Variants in ADAM32 observed in about 807,000 individuals in gnomAD.
ADAM32 encodes the protein ADAM metallopeptidase domain 32, also known as disintegrin and metalloproteinase domain-containing protein 32.
A neutral mutation model predicts 114.9 loss-of-function variants in ADAM32; 89 were observed. That is an observed-to-expected ratio of 0.77 (90% confidence interval 0.65 to 0.92). ADAM32 has a LOEUF of 0.92. Ranked by LOEUF, ADAM32 falls within the 40% of genes least tolerant of loss-of-function variation. ADAM32 has a pLI of 0.00. For missense variants in ADAM32, 870 were observed against 932.8 expected, an observed-to-expected ratio of 0.93 and a Z score of 0.88; for synonymous variants, 285 against 307.5, an observed-to-expected ratio of 0.93 and a Z score of 0.77.
chr8:39,191,145 G>T (rs1169032378), intron 11 of ADAM32, among the ~76,000 whole-genome samples: 3 of 152,122 alleles, frequency 2.0e-5, no homozygotes, highest in Non-Finnish European at 4.4e-5. Flanking sequence ...TCTTCATCTA[G>T]TCTACCACTG....
Position 39,270,907 on chromosome 8 carries a change from G to A in ADAM32, c.2194G>A (p.Ala732Thr). Residue 732 changes from alanine (A) to threonine (T), a missense_variant, in exon 20 of 25, where the codon GCC becomes ACC. Coordinates refer to ENST00000379907, the MANE Select transcript of ADAM32 (RefSeq NM_145004.7). ...SKSEGSTQTY[A>T]SQSSSEGSTQ... ...ATCGGAAGGTAGCACACAGACATAT[G>A]CCAGCCAGTAAGTAGTTTAGAAGGT... 1 of 1,609,864 alleles carries A rather than the reference G, an allele frequency of 6.2e-7. No individual in the cohort carries two copies. The highest frequency in any genetic ancestry group is 8.5e-7 in the Non-Finnish European group (1 of 1,177,380).
At chr8:39,107,946 C>A in intron 1 of ADAM32, 113 bp downstream of exon 1, 2 of 1,347,650 alleles carry the variant, frequency 1.5e-6, no homozygotes, top group Non-Finnish European at 1.9e-6. Context: ...GTCACCCTGG[C>A]AACGGGGCCT....
chr8:39,241,073 C>G (rs2129449815), intron 16 of ADAM32, among the ~76,000 whole-genome samples: 1 of 152,276 alleles, frequency 6.6e-6, no homozygotes, highest in East Asian at 1.9e-4. Context: ...TTGGCCAAAA[C>G]AAAGGGGCTA....
At chr8:39,116,346 C>T (rs1479822853) in intron 1 of ADAM32, among the ~76,000 whole-genome samples, 5 of 152,040 alleles carry the variant, frequency 3.3e-5, no homozygotes, top group South Asian at 2.1e-4. Context: ...CTTTTAACAA[C>T]GTTGATTCTT....
At chr8:39,112,041 T>C (rs991175213) in intron 1 of ADAM32, among the ~76,000 whole-genome samples, 18 of 152,180 alleles carry the variant, frequency 1.2e-4, no homozygotes, top group African/African-American at 2.9e-4. Context: ...TAATAATTTT[T>C]ATTTAGTAAT....
intron 17 of ADAM32, among the ~76,000 whole-genome samples, chr8:39,250,039 A>G (rs1490965691): frequency 6.6e-6 from 1 of 151,962 alleles, no homozygotes; most frequent in South Asian, 2.1e-4. Context: ...TTTGAAAGTT[A>G]TTATGTCTAG....
chr8:39,250,552 AT>A (rs1344113284), intron 17 of ADAM32, among the ~76,000 whole-genome samples: 1 of 151,854 alleles, frequency 6.6e-6, no homozygotes, highest in East Asian at 1.9e-4. Context: ...TTTTAGTTTT[AT>A]TTTTTATTGG....
Position 39,255,400 on chromosome 8 carries a change from G to T in ADAM32, c.2005+884G>T, listed in dbSNP as rs529192276. Among the ~76,000 whole-genome samples, 17 of 151,970 alleles carry T rather than the reference G, an allele frequency of 1.1e-4. No individual in the cohort carries two copies. The South Asian group carries it at 3.3e-3, about 30-fold the overall frequency. On this transcript the variant is annotated intron_variant, in intron 18 of 24. Transcript: ENST00000379907. Reference sequence around the variant, plus strand: ...TCCATGCCAACATCTATTATTTTTTGATTTTTAAATTATGACCATTCTTGC... The same window carrying T: ...TCCATGCCAACATCTATTATTTTTTTATTTTTAAATTATGACCATTCTTGC...
chr8:39,132,752 AT>A (rs35027560), intron 2 of ADAM32, among the ~76,000 whole-genome samples: 2,423 of 149,302 alleles, frequency 0.016, 53 homozygotes, highest in African/African-American at 0.054. Flanking sequence ...TAGTTGACAG[AT>A]TTTTTTTTTT....
At chr8:39,173,437 T>C (rs1805314753) in intron 10 of ADAM32, among the ~76,000 whole-genome samples, 1 of 152,216 alleles carries the variant, frequency 6.6e-6, no homozygotes, top group Non-Finnish European at 1.5e-5. Flanking sequence ...GTTGAGTTTT[T>C]TTTTTTCATG....
At chr8:39,251,942 G>C (rs1420107383) in intron 17 of ADAM32, among the ~76,000 whole-genome samples, 1 of 151,650 alleles carries the variant, frequency 6.6e-6, no homozygotes, top group African/African-American at 2.4e-5. Flanking sequence ...TATGGTTATC[G>C]AATTTTTCCA....
chr8:39,241,579 C>T (rs1265953735), intron 16 of ADAM32, among the ~76,000 whole-genome samples: 1 of 152,230 alleles, frequency 6.6e-6, no homozygotes. Flanking sequence ...TGGAAGCTGC[C>T]AAGGCTTGGG....
At chr8:39,236,938 G>A (rs1158778993) in intron 16 of ADAM32, among the ~76,000 whole-genome samples, 1 of 152,110 alleles carries the variant, frequency 6.6e-6, no homozygotes, top group Non-Finnish European at 1.5e-5. Context: ...AACCACTGCA[G>A]GAACATAACA....
intron 17 of ADAM32, among the ~76,000 whole-genome samples, chr8:39,251,346 C>CT (rs1241350394): frequency 2.2e-5 from 3 of 137,238 alleles, no homozygotes; most frequent in African/African-American, 7.1e-5. Context: ...GCTGTTCCAT[C>CT]TTTTTTTATC....
intron 12 of ADAM32, among the ~76,000 whole-genome samples, chr8:39,212,566 G>A (rs1284386397): frequency 6.6e-6 from 1 of 152,094 alleles, no homozygotes; most frequent in Non-Finnish European, 1.5e-5. Flanking sequence ...AAATGAGACA[G>A]CACATATTTT....
At chr8:39,215,157 C>T (rs1239458282) in intron 12 of ADAM32, among the ~76,000 whole-genome samples, 2 of 151,834 alleles carry the variant, frequency 1.3e-5, no homozygotes, top group East Asian at 3.9e-4. Flanking sequence ...TTTAGCTATT[C>T]TGGGTCTTTT....
intron 9 of ADAM32, 175 bp downstream of exon 9, chr8:39,165,371 A>C: frequency 2.0e-6 from 1 of 510,922 alleles, no homozygotes; most frequent in Non-Finnish European, 3.3e-6. Flanking sequence ...AAACTTTACT[A>C]ACATTTATTT....
At chr8:39,187,216 A>G (rs184615273) in intron 11 of ADAM32, among the ~76,000 whole-genome samples, 171 bp downstream of exon 11, 1 of 152,370 alleles carries the variant, frequency 6.6e-6, no homozygotes, top group Non-Finnish European at 1.5e-5. Context: ...ACTAAAGATA[A>G]TCAAAGATAA....
intron 3 of ADAM32, among the ~76,000 whole-genome samples, chr8:39,138,366 C>A (rs1033209505): frequency 8.6e-5 from 13 of 151,920 alleles, no homozygotes; most frequent in African/African-American, 2.9e-4. Flanking sequence ...ACATCCCCTG[C>A]CCTGTGTCCA....
Sources: gnomAD v4.1 joint callset for allele counts (sites outside exome capture counted in the v4.1 genomes callset) on GRCh38, gnomAD v4.1.1 for gene constraint, MANE v1.5 for transcripts, NCBI Gene and HGNC (gene_info 2026-07-23, HGNC 2026-07-21) for gene names.